Variants in WWOX observed in about 807,000 individuals in gnomAD.
The protein encoded by WWOX is WW domain containing oxidoreductase.
WWOX carries 69 observed loss-of-function variants against 46.2 expected under a neutral mutation model. The observed-to-expected ratio is 1.49, with a 90% CI of 1.23 to 1.82. WWOX has a LOEUF of 1.82. Ranked by LOEUF, WWOX falls within the 40% of genes most tolerant of loss-of-function variation. The probability of loss-of-function intolerance (pLI) is 0.00; values close to 1 mark genes in which losing one functional copy is unlikely to be tolerated. For missense variants in WWOX, 919 were observed against 542.6 expected (o/e 1.69, Z -6.89); for synonymous variants, 359 against 202.6 (o/e 1.77, Z -6.56).
At chr16:78,819,875 A>C (rs1364285868) in intron 8 of WWOX, among the ~76,000 whole-genome samples, 1 of 152,170 alleles carries the variant, frequency 6.6e-6, no homozygotes, top group East Asian at 1.9e-4. Context: ...TTTGAGTGAG[A>C]CTTGAACTCG....
At chr16:79,165,483 G>T (rs2150757951) in intron 8 of WWOX, among the ~76,000 whole-genome samples, 1 of 152,280 alleles carries the variant, frequency 6.6e-6, no homozygotes, top group South Asian at 2.1e-4. Context: ...AATAGAATCA[G>T]AGCAAATTCA....
At chr16:78,419,628 A>G (rs1439866579) in intron 6 of WWOX, among the ~76,000 whole-genome samples, 31 of 112,786 alleles carry the variant, frequency 2.7e-4, no homozygotes, top group Non-Finnish European at 2.3e-4. Context: ...AAAATAGCAA[A>G]AAAAAAAAAA....
intron 8 of WWOX, among the ~76,000 whole-genome samples, chr16:78,760,131 G>T (rs540784829): frequency 5.2e-4 from 79 of 152,298 alleles, no homozygotes; most frequent in African/African-American, 1.8e-3. Flanking sequence ...TAGGGTGGGT[G>T]CACAGTCATG....
Position 78,755,485 on chromosome 16 carries a change from A to G in WWOX, c.1056+322733A>G, listed in dbSNP as rs74852993. The stretch of plus-strand genomic sequence containing the variant: ...AAGGCTGCATGATGATGAGGGAGGA[A>G]CAAAGATGTTCTTGAGTCAGTACCT... On this transcript the variant is annotated intron_variant, in intron 8 of 8. Coordinates refer to ENST00000566780, the MANE Select transcript of WWOX (RefSeq NM_016373.4). Among the ~76,000 whole-genome samples the G allele has an allele frequency of 7.7e-3, 1,179 of 152,226 alleles. 10 individuals are homozygous for G. Among genetic ancestry groups the G allele is most frequent in the African/African-American group, 0.027 (1,106 of 41,540 alleles).
At chr16:79,166,031 G>A (rs1386595997) in intron 8 of WWOX, among the ~76,000 whole-genome samples, 3 of 152,126 alleles carry the variant, frequency 2.0e-5, no homozygotes, top group South Asian at 4.1e-4. Flanking sequence ...TGCATTTCAG[G>A]TACAGTGATC....
At chr16:79,006,661 C>A (rs1036636444) in intron 8 of WWOX, among the ~76,000 whole-genome samples, 3 of 152,166 alleles carry the variant, frequency 2.0e-5, no homozygotes, top group Admixed American at 6.5e-5. Context: ...CAACACAGGT[C>A]TCACTCGGCT....
At chr16:78,128,653 T>C (rs1470345933) in intron 4 of WWOX, among the ~76,000 whole-genome samples, 1 of 152,172 alleles carries the variant, frequency 6.6e-6, no homozygotes, top group Admixed American at 6.5e-5. Context: ...TAGAAACTCT[T>C]TTTCCTGGTG....
intron 8 of WWOX, among the ~76,000 whole-genome samples, chr16:78,648,288 C>G (rs1280298697): frequency 3.9e-5 from 6 of 152,188 alleles, no homozygotes; most frequent in Non-Finnish European, 7.3e-5. Context: ...TGGAGGCCCT[C>G]TGAGAATGCG....
chr16:78,281,972 C>G (rs2079687014), intron 5 of WWOX, among the ~76,000 whole-genome samples: 1 of 152,214 alleles, frequency 6.6e-6, no homozygotes, highest in Non-Finnish European at 1.5e-5. Flanking sequence ...CAGACGAGCA[C>G]TGTCCCATCT....
At chr16:78,146,136 A>G (rs377398909) in intron 4 of WWOX, among the ~76,000 whole-genome samples, 4 of 152,134 alleles carry the variant, frequency 2.6e-5, no homozygotes, top group Non-Finnish European at 5.9e-5. Flanking sequence ...GCATGCTTCC[A>G]TAAGCTGTTT....
chr16:78,393,596 C>G (rs373046784), intron 6 of WWOX, among the ~76,000 whole-genome samples: 2 of 152,110 alleles, frequency 1.3e-5, no homozygotes, highest in Non-Finnish European at 2.9e-5. Flanking sequence ...GTGACGACAC[C>G]TGAGATATTT....
At chr16:78,587,935 T>C (rs572650898) in intron 8 of WWOX, among the ~76,000 whole-genome samples, 23 of 152,336 alleles carry the variant, frequency 1.5e-4, no homozygotes, top group African/African-American at 4.8e-4. Flanking sequence ...GGCCTCCCCA[T>C]TGGAAATGAT....
chr16:79,007,633 T>G (rs1017134815), intron 8 of WWOX, among the ~76,000 whole-genome samples: 23 of 152,176 alleles, frequency 1.5e-4, no homozygotes, highest in African/African-American at 5.5e-4. Flanking sequence ...AATTATTATC[T>G]CCTTAAACCT....
At chr16:78,266,917 A>T (rs546250816) in intron 5 of WWOX, among the ~76,000 whole-genome samples, 6 of 151,268 alleles carry the variant, frequency 4.0e-5, no homozygotes, top group African/African-American at 1.5e-4. Flanking sequence ...CAGAATTCCC[A>T]TGTGTTGTGG....
chr16:78,752,192 C>G (rs142992602), intron 8 of WWOX, among the ~76,000 whole-genome samples: 1 of 152,174 alleles, frequency 6.6e-6, no homozygotes, highest in Non-Finnish European at 1.5e-5. Context: ...GAAAATATAC[C>G]TTTAAGTAGT....
At chr16:78,661,484 AT>A (rs2047211338) in intron 8 of WWOX, among the ~76,000 whole-genome samples, 1 of 152,070 alleles carries the variant, frequency 6.6e-6, no homozygotes, top group Non-Finnish European at 1.5e-5. Context: ...TTGAACAGTT[AT>A]TTGTCTGGAT....
intron 8 of WWOX, among the ~76,000 whole-genome samples, chr16:78,550,577 C>T (rs2044149819): frequency 1.3e-5 from 2 of 152,156 alleles, no homozygotes; most frequent in Admixed American, 1.3e-4. Context: ...ATATTTTCTA[C>T]TATGGATGAA....
intron 8 of WWOX, among the ~76,000 whole-genome samples, chr16:79,168,801 G>C (rs763845530): frequency 1.3e-5 from 2 of 152,112 alleles, no homozygotes; most frequent in Non-Finnish European, 2.9e-5. Flanking sequence ...GTATCCAGCT[G>C]AGATCCAGTT....
intron 8 of WWOX, among the ~76,000 whole-genome samples, chr16:79,117,699 C>G (rs886681175): frequency 1.3e-5 from 2 of 152,268 alleles, no homozygotes; most frequent in Admixed American, 6.5e-5. Flanking sequence ...TTCTGGAAAA[C>G]TTGCTGCAGC....
Sources: gnomAD v4.1 joint callset for allele counts (sites outside exome capture counted in the v4.1 genomes callset) on GRCh38, gnomAD v4.1.1 for gene constraint, MANE v1.5 for transcripts, NCBI Gene and HGNC (gene_info 2026-07-23, HGNC 2026-07-21) for gene names.